The following UBE4A variants were observed in gnomAD, a reference collection of about 807,000 sequenced individuals.
UBE4A encodes ubiquitin conjugation factor E4 A.
A neutral mutation model predicts 117.9 loss-of-function variants in UBE4A; 48 were observed. The observed-to-expected ratio is 0.41, with a 90% CI of 0.32 to 0.52. The LOEUF is 0.52. UBE4A is among the 20% of genes least tolerant of loss of function. The pLI, the probability that UBE4A is intolerant of heterozygous loss-of-function variation, is 0.33. For synonymous variants in UBE4A, 407 were observed against 450.0 expected, an observed-to-expected ratio of 0.90 and a Z score of 1.21; for missense variants, 1,067 against 1,296.3, an observed-to-expected ratio of 0.82 and a Z score of 2.72.
chr11:118,382,786 T>A lies in UBE4A; in HGVS notation c.2197+10T>A. 1.3e-6 allele frequency: 2 copies of A among 1,559,606 alleles called. No homozygotes were observed. The highest frequency in any genetic ancestry group is 1.7e-6 in the Non-Finnish European group (2 of 1,144,488). ...GACATCGAATTTACAGGTAAAGCAG[T>A]CATGAAGCTGAGCCCAGAACTGGGA... is the stretch of plus-strand genomic sequence containing the variant. On this transcript the variant is annotated intron_variant, in intron 13 of 19. Transcript: ENST00000252108.
Position 118,396,490 on chromosome 11 carries a change from A to G in UBE4A, c.*50A>G, listed in dbSNP as rs782718068. On this transcript the variant is annotated 3_prime_UTR_variant, in exon 20 of 20. Coordinates refer to ENST00000252108, the MANE Select transcript of UBE4A (RefSeq NM_001204077.2). ...ACCAACCCCAGAGTGCAGATAAACA[A>G]TTGTTTGTGGTTTCTCTCTTTCTGG... 5 of 1,564,546 alleles carry G rather than the reference A, an allele frequency of 3.2e-6. No homozygotes were observed. The highest frequency in any genetic ancestry group is 2.8e-5 in the African/African-American group (2 of 71,190).
rs1270252874 is a variant in UBE4A at position 118,396,868 on chromosome 11, A to G, written c.*428A>G. On this transcript the variant is annotated 3_prime_UTR_variant, in exon 20 of 20. Coordinates refer to ENST00000252108, the MANE Select transcript of UBE4A (RefSeq NM_001204077.2). The stretch of plus-strand genomic sequence containing the variant: ...ATGTCACATATTTCAGTGACAGCTG[A>G]TGTTATCAGAAAAATCCTGTTATCC... The G allele has an allele frequency of 5.9e-6, 1 of 170,896 alleles. No individual in the cohort carries two copies. The highest frequency in any genetic ancestry group is 2.4e-5 in the African/African-American group (1 of 41,516). 10.6% of individuals were successfully genotyped at this position (170,896 alleles called of 1,614,324 possible).
At chr11:118,366,457 T>C (rs1257176862) in intron 2 of UBE4A, among the ~76,000 whole-genome samples, 7 of 152,214 alleles carry the variant, frequency 4.6e-5, no homozygotes, top group African/African-American at 1.7e-4. Context: ...CTTCTGGCTA[T>C]AAACAGACAT....
At chr11:118,388,725 G>A (rs1351745010) in intron 16 of UBE4A, among the ~76,000 whole-genome samples, 1 of 151,030 alleles carries the variant, frequency 6.6e-6, no homozygotes, top group African/African-American at 2.4e-5. Context: ...GGAAAAAACT[G>A]AAAATAGTAA....
chr11:118,371,240 G>C (rs147288105), intron 4 of UBE4A, among the ~76,000 whole-genome samples: 9 of 152,254 alleles, frequency 5.9e-5, no homozygotes, highest in African/African-American at 2.2e-4. Context: ...TTTAATCACT[G>C]ATCTCAGCAC....
intron 1 of UBE4A, among the ~76,000 whole-genome samples, chr11:118,360,556 A>G (rs1194432775): frequency 1.3e-5 from 2 of 152,172 alleles, no homozygotes; most frequent in South Asian, 2.1e-4. Flanking sequence ...TGATATATGT[A>G]TTATTTGCCA....
chr11:118,389,910 C>A lies in UBE4A; in HGVS notation c.2768+5C>A. On this transcript the variant is annotated splice_donor_5th_base_variant and intron_variant, in intron 17 of 19. Coordinates refer to ENST00000252108, the MANE Select transcript of UBE4A (RefSeq NM_001204077.2). ...CACTATCTACTTAAATCTTGGGTAC[C>A]TGAGATTGAAATCTGTCAAGCCAGA... is the stretch of plus-strand genomic sequence containing the variant. 6.4e-7 allele frequency: 1 copy of A among 1,566,794 alleles called. No individual in the cohort carries two copies.
chr11:118,373,721 T>C (rs1948628278), intron 8 of UBE4A, 36 bp downstream of exon 8: 3 of 1,580,968 alleles, frequency 1.9e-6, no homozygotes, highest in Non-Finnish European at 2.6e-6. Context: ...AGCCCCCTGA[T>C]CTTAAAAGAG....
intron 10 of UBE4A, among the ~76,000 whole-genome samples, chr11:118,379,219 C>G (rs1948678528): frequency 6.6e-6 from 1 of 152,206 alleles, no homozygotes; most frequent in South Asian, 2.1e-4. Flanking sequence ...CAACTGAAGG[C>G]TGCTATTTGC....
chr11:118,398,537 TAA>T lies in UBE4A; in HGVS notation c.*2101_*2102del, dbSNP rs1422921482. ...AAGAATATCCAAAAAAATTAGACTT[TAA>T]AAAGTTATCTTGGTACAACACCGTG... On this transcript the variant is annotated 3_prime_UTR_variant, in exon 20 of 20. Coordinates refer to ENST00000252108, the MANE Select transcript of UBE4A (RefSeq NM_001204077.2). The T allele has an allele frequency of 2.0e-5, 3 of 152,636 alleles. No individual in the cohort carries two copies. Among genetic ancestry groups the T allele is most frequent in the East Asian group, 1.9e-4 (1 of 5,206 alleles). 9.5% of individuals were successfully genotyped at this position (152,636 alleles called of 1,614,324 possible). A position where few individuals can be genotyped will look rare whatever the true frequency, so the allele number is the denominator to read the frequency against.
intron 13 of UBE4A, among the ~76,000 whole-genome samples, chr11:118,383,571 G>C (rs921883231): frequency 8.4e-6 from 1 of 118,468 alleles, no homozygotes; most frequent in Non-Finnish European, 1.6e-5. Context: ...CTGGATGACA[G>C]AGCAAGAAAT....
At position 118,373,200 on chromosome 11, in the gene UBE4A, G is replaced by A. The variant is rs1191531369; in HGVS notation, c.836G>A (p.Arg279Gln). The A allele has an allele frequency of 8.7e-6, 14 of 1,613,804 alleles. No homozygotes were observed. The highest frequency in any genetic ancestry group is 1.1e-5 in the Non-Finnish European group (13 of 1,179,972). Reference sequence around the variant, plus strand: ...CCAGTGTTTGATATTTTATTGGGCCGAATAAAAGATCTAGAGCTCTGTCAG... The same window carrying A: ...CCAGTGTTTGATATTTTATTGGGCCAAATAAAAGATCTAGAGCTCTGTCAG... ...MIPVFDILLG[R>Q]IKDLELCQIL... Residue 279 changes from arginine (R) to glutamine (Q), a missense_variant, in exon 7 of 20, where the codon CGA (arginine) becomes CAA (glutamine). Coordinates refer to ENST00000252108, the MANE Select transcript of UBE4A (RefSeq NM_001204077.2).
intron 18 of UBE4A, among the ~76,000 whole-genome samples, chr11:118,391,927 GA>G (rs1439571490): frequency 6.6e-6 from 1 of 151,432 alleles, no homozygotes; most frequent in Non-Finnish European, 1.5e-5. Context: ...TGTTAATGCA[GA>G]ATAACTTTTT....
intron 18 of UBE4A, among the ~76,000 whole-genome samples, chr11:118,391,970 A>G (rs1261626447): frequency 6.6e-6 from 1 of 152,088 alleles, no homozygotes; most frequent in Non-Finnish European, 1.5e-5. Flanking sequence ...GTTTTCAGTC[A>G]TTAATTTTTA....
At chr11:118,391,699 C>T (rs1948819991) in intron 18 of UBE4A, among the ~76,000 whole-genome samples, 1 of 151,038 alleles carries the variant, frequency 6.6e-6, no homozygotes, top group African/African-American at 2.4e-5. Context: ...GAGACTGAGG[C>T]AGGAGAATGG....
At chr11:118,380,246 G>A (rs955231987) in intron 11 of UBE4A, among the ~76,000 whole-genome samples, 1 of 151,152 alleles carries the variant, frequency 6.6e-6, no homozygotes, top group Admixed American at 6.6e-5. Context: ...CCATTGTATT[G>A]GCCATATCAT....
At chr11:118,374,535 G>T (rs575584515) in intron 8 of UBE4A, among the ~76,000 whole-genome samples, 1 of 152,212 alleles carries the variant, frequency 6.6e-6, no homozygotes, top group African/African-American at 2.4e-5. Flanking sequence ...ATAGCCATGC[G>T]CATTAGTATA....
chr11:118,392,622 AG>A, intron 18 of UBE4A, 115 bp from the exon 19 acceptor site: 1 of 964,066 alleles, frequency 1.0e-6, no homozygotes, highest in Non-Finnish European at 1.5e-6. Context: ...GTCACTGTCA[AG>A]GGTTATTAAT....
chr11:118,396,202 A>G (rs1948870983), intron 19 of UBE4A, 112 bp from the exon 20 acceptor site: 1 of 1,369,616 alleles, frequency 7.3e-7, no homozygotes, highest in Non-Finnish European at 9.7e-7. Flanking sequence ...ACTCAAAGTT[A>G]TAATGCACTC....
Sources: gnomAD v4.1 joint callset for allele counts (sites outside exome capture counted in the v4.1 genomes callset) on GRCh38, gnomAD v4.1.1 for gene constraint, MANE v1.5 for transcripts, NCBI Gene and HGNC (gene_info 2026-07-23, HGNC 2026-07-21) for gene names.